PRKCA: variants seen among roughly 807,000 people sequenced by gnomAD.
PRKCA encodes protein kinase C alpha type.
PRKCA carries 27 observed loss-of-function variants against 87.0 expected under a neutral mutation model. The ratio of observed to expected loss-of-function variants is 0.31; its 90% CI spans 0.23 to 0.43. The LOEUF (loss-of-function observed/expected upper bound fraction) is 0.43. Ranked by LOEUF, PRKCA falls within the 20% of genes least tolerant of loss-of-function variation. The pLI is 1.00. For synonymous variants in PRKCA, 329 were observed against 311.1 expected (o/e 1.06, Z -0.61); for missense variants, 518 against 852.3 (o/e 0.61, Z 4.88).
intron 2 of PRKCA, among the ~76,000 whole-genome samples, chr17:66,456,053 G>A (rs1415535978): frequency 6.6e-6 from 1 of 151,976 alleles, no homozygotes; most frequent in African/African-American, 2.4e-5. Flanking sequence ...CAGGAGGAAG[G>A]CCACGAGATA....
At chr17:66,538,473 G>T (rs1472665905) in intron 3 of PRKCA, among the ~76,000 whole-genome samples, 1 of 151,696 alleles carries the variant, frequency 6.6e-6, no homozygotes, top group Non-Finnish European at 1.5e-5. Context: ...CCAGGGAGGT[G>T]ATGTTTTCCC....
chr17:66,702,241 T>A (rs1973082420), intron 8 of PRKCA, among the ~76,000 whole-genome samples: 1 of 152,018 alleles, frequency 6.6e-6, no homozygotes, highest in South Asian at 2.1e-4. Flanking sequence ...TATAATTGAG[T>A]CTTTAAAAAG....
chr17:66,793,450 C>A (rs1046608687), intron 16 of PRKCA, among the ~76,000 whole-genome samples: 2 of 151,962 alleles, frequency 1.3e-5, no homozygotes, highest in Admixed American at 1.3e-4. Context: ...ATTAGCTGGG[C>A]ATGGTAGCAC....
At chr17:66,647,478 G>A (rs1398199903) in intron 5 of PRKCA, among the ~76,000 whole-genome samples, 1 of 152,178 alleles carries the variant, frequency 6.6e-6, no homozygotes, top group Non-Finnish European at 1.5e-5. Context: ...TGTGTTTCTA[G>A]ATAAAGCAAA....
intron 2 of PRKCA, among the ~76,000 whole-genome samples, chr17:66,393,796 G>A (rs1789240299): frequency 6.6e-6 from 1 of 152,098 alleles, no homozygotes; most frequent in African/African-American, 2.4e-5. Context: ...ACCTTTGGCT[G>A]GGCGTGGTGG....
At chr17:66,473,545 G>T (rs1038125851) in intron 2 of PRKCA, among the ~76,000 whole-genome samples, 2 of 152,122 alleles carry the variant, frequency 1.3e-5, no homozygotes, top group African/African-American at 4.8e-5. Flanking sequence ...TGTTGTTCAA[G>T]TGTGTTGGTA....
intron 14 of PRKCA, chr17:66,778,104 C>G (rs1975104778): frequency 1.0e-6 from 1 of 985,300 alleles, no homozygotes. Context: ...GCACCAGGCT[C>G]CAGCTCTCAA....
intron 5 of PRKCA, among the ~76,000 whole-genome samples, chr17:66,655,942 A>C (rs1971723403): frequency 6.6e-6 from 1 of 152,204 alleles, no homozygotes; most frequent in African/African-American, 2.4e-5. Flanking sequence ...GATTATTTAC[A>C]TTCCGACTGT....
chr17:66,324,603 A>G lies in PRKCA; in HGVS notation c.205+18476A>G, dbSNP rs115671584. On this transcript the variant is annotated intron_variant, in intron 2 of 16. Coordinates refer to ENST00000413366, the MANE Select transcript of PRKCA (RefSeq NM_002737.3). Reference sequence around the variant, plus strand: ...ACTCTCGCCTGGGCAACAGAGTGGGACTCTGTCTTAACAAAAAAAGTCAAC... The same window carrying G: ...ACTCTCGCCTGGGCAACAGAGTGGGGCTCTGTCTTAACAAAAAAAGTCAAC... Among the ~76,000 whole-genome samples, 534 of 152,228 alleles carry G rather than the reference A, an allele frequency of 3.5e-3. 1 individual carries two copies. The highest frequency in any genetic ancestry group is 0.012 in the African/African-American group (512 of 41,522).
At chr17:66,540,252 C>T (rs998004245) in intron 3 of PRKCA, among the ~76,000 whole-genome samples, 16 of 152,288 alleles carry the variant, frequency 1.1e-4, no homozygotes, top group Admixed American at 3.9e-4. Context: ...GCTTTCCAGC[C>T]GTCAGAGCCA....
chr17:66,457,680 G>A (rs1422795843), intron 2 of PRKCA, among the ~76,000 whole-genome samples: 1 of 151,992 alleles, frequency 6.6e-6, no homozygotes, highest in Non-Finnish European at 1.5e-5. Context: ...TTCTATAAGG[G>A]GCCTTTCCCA....
chr17:66,771,772 T>G (rs2144330555), intron 13 of PRKCA, among the ~76,000 whole-genome samples: 1 of 152,166 alleles, frequency 6.6e-6, no homozygotes, highest in African/African-American at 2.4e-5. Flanking sequence ...ATTTTTGTAT[T>G]TATAGTAGAG....
rs910588489 is a variant in PRKCA, at chr17:66,562,592, T to TGTTG, written c.288+66309_288+66310insGTTG. ...AAATAATAGCTAAGTTTTGTTTTTT[T>TGTTG]TTGTTGTTGTTGTTGTTGTTTTTTG... On this transcript the variant is annotated intron_variant, in intron 3 of 16. Coordinates refer to ENST00000413366, the MANE Select transcript of PRKCA (RefSeq NM_002737.3). 8.4e-3 allele frequency among the ~76,000 whole-genome samples: 1,273 copies of TGTTG among 150,824 alleles called. 21 individuals are homozygous for TGTTG. Among genetic ancestry groups the TGTTG allele is most frequent in the African/African-American group, 0.03 (1,214 of 40,792 alleles).
intron 2 of PRKCA, among the ~76,000 whole-genome samples, chr17:66,441,627 C>T (rs1913765990): frequency 6.6e-6 from 1 of 152,164 alleles, no homozygotes; most frequent in South Asian, 2.1e-4. Flanking sequence ...TGTGCACCTC[C>T]TCTGAGTGGA....
chr17:66,405,198 G>A (rs1055575180), intron 2 of PRKCA, among the ~76,000 whole-genome samples: 5 of 152,184 alleles, frequency 3.3e-5, no homozygotes, highest in East Asian at 1.9e-4. Flanking sequence ...CCGACACTGC[G>A]TGCACTCCAC....
chr17:66,439,537 G>T (rs529675876), intron 2 of PRKCA, among the ~76,000 whole-genome samples: 1 of 152,242 alleles, frequency 6.6e-6, no homozygotes, highest in Non-Finnish European at 1.5e-5. Flanking sequence ...TCCACAAATG[G>T]CATAGGCTGG....
At chr17:66,658,100 G>T (rs1971785931) in intron 5 of PRKCA, among the ~76,000 whole-genome samples, 2 of 152,198 alleles carry the variant, frequency 1.3e-5, no homozygotes, top group South Asian at 4.1e-4. Flanking sequence ...CATGGCAGAA[G>T]AAGAAGCAAA....
At chr17:66,650,151 A>C (rs931309361) in intron 5 of PRKCA, among the ~76,000 whole-genome samples, 1 of 152,232 alleles carries the variant, frequency 6.6e-6, no homozygotes. Context: ...CCTATGTAGA[A>C]TCACTCAGGT....
At chr17:66,528,221 CAAAAAAA>C (rs60533049) in intron 3 of PRKCA, among the ~76,000 whole-genome samples, 5 of 85,944 alleles carry the variant, frequency 5.8e-5, no homozygotes, top group Admixed American at 1.3e-4. Context: ...AACTCTGTCT[CAAAAAAA>C]AAAAAAAAAA....
Sources: gnomAD v4.1 joint callset for allele counts (sites outside exome capture counted in the v4.1 genomes callset) on GRCh38, gnomAD v4.1.1 for gene constraint, MANE v1.5 for transcripts, NCBI Gene and HGNC (gene_info 2026-07-23, HGNC 2026-07-21) for gene names.